TSPAN7: variants seen among roughly 807,000 people sequenced by gnomAD.
TSPAN7 encodes tetraspanin-7.
A neutral mutation model predicts 17.6 loss-of-function variants in TSPAN7; 1 was observed. That is an observed-to-expected ratio of 0.06 (90% CI 0.02 to 0.27). The LOEUF is 0.27. Among genes scored for constraint, TSPAN7 ranks in the 10% least tolerant of loss-of-function variants. The pLI is 1.00. For missense variants in TSPAN7, 112 were observed against 201.7 expected, an observed-to-expected ratio of 0.56 and a Z score of 2.69; for synonymous variants, 78 against 79.0, an observed-to-expected ratio of 0.99 and a Z score of 0.07.
At chrX:38,643,883 A>G (rs1385786558) in intron 1 of TSPAN7, among the ~76,000 whole-genome samples, 1 of 111,028 alleles carries the variant, frequency 9.0e-6, no homozygotes, top group East Asian at 2.8e-4. Flanking sequence ...ATAAAAATAA[A>G]CCAGTTTTTG....
At chrX:38,633,370 AAG>A (rs2069561600) in intron 1 of TSPAN7, among the ~76,000 whole-genome samples, 1 of 111,989 alleles carries the variant, frequency 8.9e-6, no homozygotes, top group Admixed American at 9.5e-5. Flanking sequence ...CCAATAATAG[AAG>A]CTATATACAC....
chrX:38,634,120 C>T (rs956228488), intron 1 of TSPAN7, among the ~76,000 whole-genome samples: 8 of 111,409 alleles, frequency 7.2e-5, no homozygotes, highest in African/African-American at 1.6e-4. Context: ...TAATTCGAAT[C>T]GGAATAATTA....
intron 1 of TSPAN7, among the ~76,000 whole-genome samples, chrX:38,585,619 A>G (rs2069254197): frequency 8.9e-6 from 1 of 111,895 alleles, no homozygotes; most frequent in Non-Finnish European, 1.9e-5. Context: ...GATGTGATAT[A>G]GTTTGGAGAT....
At chrX:38,624,092 G>GT (rs1385476933) in intron 1 of TSPAN7, among the ~76,000 whole-genome samples, 5 of 110,441 alleles carry the variant, frequency 4.5e-5, no homozygotes, top group Non-Finnish European at 9.5e-5. Context: ...GCTTTTGAGT[G>GT]TTTTTTTGTT....
rs1044708253 is a variant in TSPAN7 at position 38,654,666 on chromosome X, T to G, written c.82-11455T>G. Among the ~76,000 whole-genome samples the G allele has an allele frequency of 4.5e-5, 5 of 112,157 alleles. No homozygotes were observed. In the East Asian group the frequency reaches 1.4e-3, roughly 32 times the overall value. ...CTTGTATTTGGTCAGTTAGCAAATA[T>G]TTAACTAAGCCCCTCCTGTGAGCCG... On this transcript the variant is annotated intron_variant, in intron 1 of 7. Transcript: ENST00000378482.
chrX:38,595,273 G>T (rs182064669), intron 1 of TSPAN7, among the ~76,000 whole-genome samples: 1 of 111,222 alleles, frequency 9.0e-6, no homozygotes, highest in Non-Finnish European at 1.9e-5. Flanking sequence ...AAACAAATTT[G>T]TACAGGAATA....
chrX:38,644,188 TTC>T (rs1388042392), intron 1 of TSPAN7, among the ~76,000 whole-genome samples: 4 of 112,045 alleles, frequency 3.6e-5, no homozygotes, highest in African/African-American at 1.3e-4. Flanking sequence ...GCTAAAATTA[TTC>T]TGAGTCACCT....
chrX:38,619,559 G>A (rs1157536372), intron 1 of TSPAN7, among the ~76,000 whole-genome samples: 2 of 111,534 alleles, frequency 1.8e-5, no homozygotes, highest in African/African-American at 3.3e-5. Flanking sequence ...GTTGTATGAA[G>A]GGTAGGAGCT....
At position 38,577,499 on chromosome X, in the gene TSPAN7, T is replaced by C. The variant is rs975937770; in HGVS notation, c.81+15872T>C. On this transcript the variant is annotated intron_variant, in intron 1 of 7. Transcript: ENST00000378482. ...TTTTTAGGCATTCAAACTCAAGATA[T>C]TCATGTCCTTTGTAGGGACATGGAT... Among the ~76,000 whole-genome samples, 4 of 108,635 alleles carry C rather than the reference T, an allele frequency of 3.7e-5. No individual in the cohort carries two copies. The Admixed American group carries it at 4.0e-4, about 11-fold the overall frequency. The allele number at this position is 108,635 out of a possible 115,157, so 94.3% of individuals were successfully genotyped here. A position where few individuals can be genotyped will look rare whatever the true frequency, so the allele number is the denominator to read the frequency against.
chrX:38,645,732 T>TTC (rs914920615), intron 1 of TSPAN7, among the ~76,000 whole-genome samples: 1 of 111,890 alleles, frequency 8.9e-6, no homozygotes, highest in African/African-American at 3.3e-5. Flanking sequence ...GAATGAAAGA[T>TTC]TCTCTCAGGA....
chrX:38,603,658 TG>T (rs2069359193), intron 1 of TSPAN7, among the ~76,000 whole-genome samples: 1 of 111,287 alleles, frequency 9.0e-6, no homozygotes, highest in East Asian at 2.8e-4. Flanking sequence ...TGATTCCATT[TG>T]TATAAAATGA....
At position 38,666,167 on chromosome X, in the gene TSPAN7, C is replaced by G; in HGVS notation, c.128C>G (p.Thr43Ser). The G allele has an allele frequency of 8.3e-7, 1 of 1,211,026 alleles. No homozygotes were observed. The highest frequency in any genetic ancestry group is 3.0e-5 in the East Asian group (1 of 33,780). The change falls in exon 2 of 8, where the codon ACT (threonine) becomes AGT (serine). Residue 43 changes from threonine (T) to serine (S), a missense_variant. By Grantham distance (58) the Thr-to-Ser change is moderately conservative (BLOSUM62 1). Coordinates refer to ENST00000378482, the MANE Select transcript of TSPAN7 (RefSeq NM_004615.4). ...GCTGTTGGAGTCTGGGGCAAACTTA[C>G]TCTGGGCACCTATATCTCCCTTATT... ...LLAVGVWGKL[T>S]LGTYISLIAE...
intron 1 of TSPAN7, among the ~76,000 whole-genome samples, chrX:38,573,344 A>T: frequency 8.9e-6 from 1 of 111,752 alleles, no homozygotes; most frequent in East Asian, 2.8e-4. Context: ...TGTCATTGGG[A>T]TAAAGGTATT....
chrX:38,614,199 G>A (rs184694207), intron 1 of TSPAN7, among the ~76,000 whole-genome samples: 2 of 111,440 alleles, frequency 1.8e-5, no homozygotes, highest in African/African-American at 6.5e-5. Flanking sequence ...GGGTAGAACT[G>A]TTGTTTCTTT....
intron 1 of TSPAN7, among the ~76,000 whole-genome samples, chrX:38,594,773 C>G (rs755385118): frequency 2.7e-5 from 3 of 112,031 alleles, no homozygotes; most frequent in Non-Finnish European, 3.8e-5. Flanking sequence ...GATTTCATAT[C>G]TGTGTCATTG....
chrX:38,686,308 A>T (rs1453995649), intron 6 of TSPAN7, among the ~76,000 whole-genome samples: 4 of 112,102 alleles, frequency 3.6e-5, no homozygotes, highest in Admixed American at 1.9e-4. Flanking sequence ...ACCTGCATGG[A>T]TAGGTTAAGA....
At chrX:38,674,474 G>A (rs1367656122) in intron 4 of TSPAN7, among the ~76,000 whole-genome samples, 158 bp downstream of exon 4, 1 of 111,689 alleles carries the variant, frequency 9.0e-6, no homozygotes, top group African/African-American at 3.3e-5. Context: ...CCTTGTCCAG[G>A]CTCCAGTTAT....
At chrX:38,619,373 C>T (rs2069476156) in intron 1 of TSPAN7, among the ~76,000 whole-genome samples, 1 of 111,726 alleles carries the variant, frequency 9.0e-6, no homozygotes, top group South Asian at 3.8e-4. Context: ...TGTTCATGCC[C>T]TCACCTTGTT....
chrX:38,572,924 T>A (rs1463970850), intron 1 of TSPAN7, among the ~76,000 whole-genome samples: 1 of 111,761 alleles, frequency 8.9e-6, no homozygotes, highest in African/African-American at 3.3e-5. Context: ...GGATTTAAAA[T>A]TAGACTTAAT....
Sources: allele counts gnomAD v4.1 joint callset (sites outside exome capture counted in the v4.1 genomes callset), GRCh38; gene constraint gnomAD v4.1.1; transcripts MANE v1.5; gene names NCBI Gene and HGNC (gene_info 2026-07-23, HGNC 2026-07-21).